Variants in MAEL observed in about 807,000 individuals in gnomAD.
MAEL encodes protein maelstrom homolog.
In MAEL, 46 loss-of-function variants were observed where a neutral mutation model predicts 62.0. The observed-to-expected ratio is 0.74, with a 90% CI of 0.59 to 0.95. The LOEUF is 0.95. Ranked by LOEUF, MAEL falls within the 40% of genes least tolerant of loss-of-function variation. The pLI is 0.00. For synonymous variants in MAEL, 172 were observed against 175.5 expected, an observed-to-expected ratio of 0.98 and a Z score of 0.16; for missense variants, 497 against 526.8, an observed-to-expected ratio of 0.94 and a Z score of 0.55.
At chr1:166,993,692 G>A (rs990476020) in intron 4 of MAEL, among the ~76,000 whole-genome samples, 1 of 152,106 alleles carries the variant, frequency 6.6e-6, no homozygotes, top group African/African-American at 2.4e-5. Context: ...TCTGAGAAAC[G>A]CATATACACC....
At position 166,991,443 on chromosome 1, in the gene MAEL, A is replaced by G. The variant is rs754701625; in HGVS notation, c.291A>G (p.Pro97=). Residue 97 remains proline, a synonymous_variant, in exon 3 of 12, where the codon CCA becomes CCG. Transcript: ENST00000367872. Reference sequence around the variant, plus strand: ...TACCAAAGCAGAATGTTTCACCTCCAGATATGTCAGCTTTGTCTTTAAAAG... The same window carrying G: ...TACCAAAGCAGAATGTTTCACCTCCGGATATGTCAGCTTTGTCTTTAAAAG... ...MLVPKQNVSP[P]DMSALSLKGD... is the part of the protein sequence containing the mutation. 15 of 1,613,178 alleles carry G rather than the reference A, an allele frequency of 9.3e-6. No homozygotes were observed. In the East Asian group the frequency reaches 2.7e-4, roughly 29 times the overall value.
At chr1:166,994,509 G>A (rs562982039) in intron 5 of MAEL, among the ~76,000 whole-genome samples, 1 of 152,158 alleles carries the variant, frequency 6.6e-6, no homozygotes, top group African/African-American at 2.4e-5. Context: ...GCATGACTGT[G>A]TATATCTAAG....
chr1:167,001,584 C>T (rs1664670838), intron 5 of MAEL, among the ~76,000 whole-genome samples: 1 of 152,140 alleles, frequency 6.6e-6, no homozygotes, highest in Non-Finnish European at 1.5e-5. Context: ...GAGTACATAA[C>T]ATTTATATGC....
chr1:167,000,489 C>A (rs1163593768), intron 5 of MAEL, among the ~76,000 whole-genome samples: 1 of 152,150 alleles, frequency 6.6e-6, no homozygotes, highest in South Asian at 2.1e-4. Context: ...TGAGATGGAA[C>A]CTACTCCTAG....
chr1:167,008,356 G>T (rs1665020318), intron 8 of MAEL, among the ~76,000 whole-genome samples: 1 of 151,952 alleles, frequency 6.6e-6, no homozygotes, highest in South Asian at 2.1e-4. Flanking sequence ...TTGGTAATCT[G>T]TATGTTTCTA....
At position 166,994,023 on chromosome 1, in the gene MAEL, T is replaced by A. The variant is rs776535740; in HGVS notation, c.482-5T>A. 1 of 1,612,606 alleles carries A rather than the reference T, an allele frequency of 6.2e-7. No individual in the cohort carries two copies. Among genetic ancestry groups the A allele is most frequent in the Non-Finnish European group, 8.5e-7 (1 of 1,179,162 alleles). ...TGCTTCTCAACAAGATATTTTGTAT[T>A]ATAGGTGAAATTCCACGAGGATTTC... On this transcript the variant is annotated splice_polypyrimidine_tract_variant and splice_region_variant and intron_variant, in intron 4 of 11. Coordinates refer to ENST00000367872, the MANE Select transcript of MAEL (RefSeq NM_032858.3).
intron 8 of MAEL, among the ~76,000 whole-genome samples, chr1:167,011,282 T>C (rs1467865695): frequency 6.6e-6 from 1 of 152,238 alleles, no homozygotes; most frequent in Non-Finnish European, 1.5e-5. Context: ...TTTCTATTTA[T>C]AGACAACTGA....
upstream of MAEL, among the ~76,000 whole-genome samples, chr1:166,988,741 A>G (rs1664011623): frequency 6.6e-6 from 1 of 152,228 alleles, no homozygotes; most frequent in Non-Finnish European, 1.5e-5. Flanking sequence ...TTATGAGGAA[A>G]TCTATAAAAC....
chr1:167,003,011 G>C (rs572267925), intron 5 of MAEL, among the ~76,000 whole-genome samples: 4 of 152,048 alleles, frequency 2.6e-5, no homozygotes, highest in Non-Finnish European at 5.9e-5. Flanking sequence ...TTGTCTCTGC[G>C]GGTCTTTGAA....
intron 10 of MAEL, among the ~76,000 whole-genome samples, chr1:167,018,699 T>C (rs1238098281): frequency 1.3e-5 from 2 of 152,196 alleles, no homozygotes; most frequent in Non-Finnish European, 2.9e-5. Flanking sequence ...TGAAAACAGC[T>C]AGATTCATCC....
intron 1 of MAEL, 40 bp from the exon 2 acceptor site, chr1:166,989,697 C>A: frequency 6.3e-7 from 1 of 1,592,174 alleles, no homozygotes; most frequent in Admixed American, 1.7e-5. Flanking sequence ...ACGGGATCCT[C>A]ACGGCTGTTT....
At chr1:167,002,026 C>T (rs146159031) in intron 5 of MAEL, among the ~76,000 whole-genome samples, 16 of 152,164 alleles carry the variant, frequency 1.1e-4, no homozygotes, top group Admixed American at 2.0e-4. Context: ...AGTGGTCTGC[C>T]CACCTTAGCC....
intron 5 of MAEL, among the ~76,000 whole-genome samples, chr1:166,998,897 C>G (rs937096214): frequency 2.0e-5 from 3 of 152,206 alleles, no homozygotes; most frequent in Admixed American, 6.5e-5. Flanking sequence ...CTATGGTGAT[C>G]TGTGATCAGT....
upstream of MAEL, among the ~76,000 whole-genome samples, chr1:166,986,259 A>AGT (rs59791599): frequency 0.26 from 39,749 of 152,080 alleles, 5,552 homozygotes; most frequent in African/African-American, 0.36. Context: ...TCTTGATGGC[A>AGT]GATGGTTTCA....
chr1:166,985,703 T>C (rs191747690), upstream of MAEL, among the ~76,000 whole-genome samples: 20 of 152,220 alleles, frequency 1.3e-4, no homozygotes, highest in Non-Finnish European at 2.6e-4. Flanking sequence ...AGCCCAAAAA[T>C]GTTTATAAGA....
At chr1:167,008,803 C>T (rs764793187) in intron 8 of MAEL, among the ~76,000 whole-genome samples, 2 of 152,000 alleles carry the variant, frequency 1.3e-5, no homozygotes, top group African/African-American at 2.4e-5. Context: ...TCTCAGCCAC[C>T]ATCTCTTTAA....
At chr1:166,987,165 G>A (rs1029506052), upstream of MAEL, among the ~76,000 whole-genome samples, 1 of 152,102 alleles carries the variant, frequency 6.6e-6, no homozygotes, top group Non-Finnish European at 1.5e-5. Flanking sequence ...AACCCAGAAG[G>A]TTCCCTGTGT....
intron 3 of MAEL, 120 bp from the exon 4 acceptor site, chr1:166,992,566 A>G (rs1664234887): frequency 3.1e-6 from 2 of 643,186 alleles, no homozygotes; most frequent in Non-Finnish European, 5.0e-6. Flanking sequence ...TCATTTAGGA[A>G]TATAGGAACA....
At chr1:167,014,553 A>G (rs1665300051) in intron 8 of MAEL, among the ~76,000 whole-genome samples, 1 of 152,236 alleles carries the variant, frequency 6.6e-6, no homozygotes, top group African/African-American at 2.4e-5. Flanking sequence ...AAAAGTTATG[A>G]AAAATCATAT....
Sources: allele counts gnomAD v4.1 joint callset (sites outside exome capture counted in the v4.1 genomes callset), GRCh38; gene constraint gnomAD v4.1.1; transcripts MANE v1.5; gene names NCBI Gene and HGNC (gene_info 2026-07-23, HGNC 2026-07-21).